Variants in NME7 observed in about 807,000 individuals in gnomAD.
NME7 encodes the protein nucleoside diphosphate kinase 7.
A neutral mutation model predicts 49.1 loss-of-function variants in NME7; 41 were observed. The observed-to-expected ratio is 0.83, with a 90% confidence interval of 0.65 to 1.08. The LOEUF is 1.08. Ranked by LOEUF, NME7 falls within the 50% of genes least tolerant of loss-of-function variation. NME7 has a pLI of 0.00. For synonymous variants in NME7, 139 were observed against 150.6 expected, an observed-to-expected ratio of 0.92 and a Z score of 0.56; for missense variants, 423 against 463.4, an observed-to-expected ratio of 0.91 and a Z score of 0.80.
intron 11 of NME7, among the ~76,000 whole-genome samples, chr1:169,150,298 A>T (rs530175922): frequency 6.6e-6 from 1 of 152,214 alleles, no homozygotes; most frequent in Admixed American, 6.5e-5. Context: ...TATATTTAAG[A>T]GTCTAAGGGC....
Position 169,134,616 on chromosome 1 carries a change from CAA to C in NME7, c.1099-1801_1099-1800del, listed in dbSNP as rs537121428. ...AACCCTGGTTAATTTCCCTTGCAAACAAAGAGGGACAGGCCTTGGTGTCAGAA... is the reference window on the plus strand; with the variant it reads ...AACCCTGGTTAATTTCCCTTGCAAACAGAGGGACAGGCCTTGGTGTCAGAA... On this transcript the variant is annotated intron_variant, in intron 11 of 11. Coordinates refer to ENST00000367811, the MANE Select transcript of NME7 (RefSeq NM_013330.5). 8.0e-4 allele frequency among the ~76,000 whole-genome samples: 122 copies of C among 152,244 alleles called. 1 individual carries two copies. The highest frequency in any genetic ancestry group is 1.7e-3 in the African/African-American group (71 of 41,540).
chr1:169,265,835 C>A lies in NME7; in HGVS notation c.754+21468G>T, dbSNP rs567292305. Among the ~76,000 whole-genome samples, 6 of 132,588 alleles carry A rather than the reference C, an allele frequency of 4.5e-5. 1 individual carries two copies. The South Asian group carries it at 1.4e-3, about 31-fold the overall frequency. The allele number at this position is 132,588 out of a possible 152,430, so 87.0% of individuals were successfully genotyped here. A position where few individuals can be genotyped will look rare whatever the true frequency, so the allele number is the denominator to read the frequency against. On this transcript the variant is annotated intron_variant, in intron 7 of 11. Coordinates refer to ENST00000367811, the MANE Select transcript of NME7 (RefSeq NM_013330.5). ...AAGAACCATCAGAGACTACTATGAACACCGTTATGCACATAAGCTAGAAAA... is the reference window on the plus strand; with the variant it reads ...AAGAACCATCAGAGACTACTATGAAAACCGTTATGCACATAAGCTAGAAAA...
At chr1:169,289,253 C>T (rs1018757864) in intron 6 of NME7, among the ~76,000 whole-genome samples, 9 of 152,128 alleles carry the variant, frequency 5.9e-5, no homozygotes, top group African/African-American at 1.9e-4. Context: ...ACCTCACTGG[C>T]TACTCCCTCT....
chr1:169,328,202 G>A (rs758585901), intron 1 of NME7, among the ~76,000 whole-genome samples: 1 of 152,140 alleles, frequency 6.6e-6, no homozygotes, highest in Non-Finnish European at 1.5e-5. Flanking sequence ...TTTTTTGGAG[G>A]GGGGGATTAT....
intron 4 of NME7, among the ~76,000 whole-genome samples, chr1:169,309,713 C>T (rs979983224): frequency 6.6e-6 from 1 of 152,040 alleles, no homozygotes; most frequent in African/African-American, 2.4e-5. Flanking sequence ...AAAGCCTGCA[C>T]TGCTTGATAC....
intron 10 of NME7, among the ~76,000 whole-genome samples, chr1:169,199,447 TTTTTTATTATTATTATTATTA>T (rs1660480574): frequency 2.3e-5 from 2 of 86,170 alleles, no homozygotes; most frequent in South Asian, 6.4e-4. Flanking sequence ...ACCCAGGGTC[TTTTTTATTATTATTATTATTA>T]TTATTATTAT....
At chr1:169,245,888 C>CT (rs1405370487) in intron 7 of NME7, among the ~76,000 whole-genome samples, 1 of 152,006 alleles carries the variant, frequency 6.6e-6, no homozygotes, top group Non-Finnish European at 1.5e-5. Flanking sequence ...AACAAATAAC[C>CT]TTAGGCATAA....
rs145228726 is a variant in NME7 at position 169,141,627 on chromosome 1, A to C, written c.1099-8810T>G. ...GTACTCTTTACAAGAAAAACAAACC[A>C]CAGAATATTTTATTTCTTGGGAAGT... On this transcript the variant is annotated intron_variant, in intron 11 of 11. Transcript: ENST00000367811. Among the ~76,000 whole-genome samples the C allele has an allele frequency of 3.9e-3, 599 of 152,290 alleles. 5 individuals are homozygous for C. The highest frequency in any genetic ancestry group is 0.013 in the African/African-American group (559 of 41,560).
intron 1 of NME7, among the ~76,000 whole-genome samples, chr1:169,366,674 A>T (rs1264813252): frequency 6.6e-6 from 1 of 152,242 alleles, no homozygotes; most frequent in Non-Finnish European, 1.5e-5. Context: ...CGGCAAAAAT[A>T]TAGAGCAATG....
intron 10 of NME7, among the ~76,000 whole-genome samples, chr1:169,230,148 G>A (rs181948807): frequency 6.6e-6 from 1 of 151,980 alleles, no homozygotes; most frequent in African/African-American, 2.4e-5. Flanking sequence ...TTTGCATAGA[G>A]CTTTATCATA....
intron 10 of NME7, chr1:169,190,586 C>A: frequency 2.5e-6 from 1 of 401,962 alleles, no homozygotes; most frequent in Admixed American, 2.9e-5. Context: ...AGGAAGAAAA[C>A]AATGAAAGTG....
At chr1:169,278,923 G>T (rs1011482826) in intron 7 of NME7, among the ~76,000 whole-genome samples, 2 of 152,158 alleles carry the variant, frequency 1.3e-5, no homozygotes, top group African/African-American at 2.4e-5. Context: ...TCCGCTGCAG[G>T]TCTGTTGGAG....
intron 1 of NME7, among the ~76,000 whole-genome samples, chr1:169,343,338 T>G (rs1291846459): frequency 1.3e-5 from 2 of 152,138 alleles, no homozygotes; most frequent in African/African-American, 4.8e-5. Context: ...GATATATAAT[T>G]GCCCTAGCAC....
chr1:169,352,148 A>AGTT (rs1324078622), intron 1 of NME7, among the ~76,000 whole-genome samples: 5 of 152,090 alleles, frequency 3.3e-5, no homozygotes, highest in African/African-American at 1.2e-4. Context: ...AAACTACAGA[A>AGTT]CAATATCTCT....
At chr1:169,251,712 C>T (rs1314049306) in intron 7 of NME7, among the ~76,000 whole-genome samples, 25 of 75,618 alleles carry the variant, frequency 3.3e-4, no homozygotes, top group Middle Eastern at 7.8e-3. Context: ...CCTCCCCCCT[C>T]CCCCCACCCC....
At chr1:169,291,513 G>C (rs952583865) in intron 6 of NME7, among the ~76,000 whole-genome samples, 1 of 152,042 alleles carries the variant, frequency 6.6e-6, no homozygotes, top group Non-Finnish European at 1.5e-5. Context: ...GGGGTGGGGG[G>C]CTAGGGGAAG....
intron 1 of NME7, among the ~76,000 whole-genome samples, chr1:169,344,712 T>G (rs1330346207): frequency 6.6e-6 from 1 of 152,210 alleles, no homozygotes; most frequent in Non-Finnish European, 1.5e-5. Flanking sequence ...TAAATCCCAC[T>G]GGATCATGGT....
At chr1:169,159,306 A>G (rs529646955) in intron 11 of NME7, among the ~76,000 whole-genome samples, 1 of 152,314 alleles carries the variant, frequency 6.6e-6, no homozygotes, top group South Asian at 2.1e-4. Flanking sequence ...GGTACCAAGG[A>G]GGAGGAGACT....
chr1:169,243,962 C>T (rs926293988), intron 7 of NME7, among the ~76,000 whole-genome samples: 1 of 151,760 alleles, frequency 6.6e-6, no homozygotes, highest in African/African-American at 2.4e-5. Context: ...GCCCCAGAGC[C>T]TAAGATTATA....
Sources: gnomAD v4.1 joint callset for allele counts (sites outside exome capture counted in the v4.1 genomes callset) on GRCh38, gnomAD v4.1.1 for gene constraint, MANE v1.5 for transcripts, NCBI Gene and HGNC (gene_info 2026-07-23, HGNC 2026-07-21) for gene names.